AGTPBP1: variants seen among roughly 807,000 people sequenced by gnomAD.
AGTPBP1 encodes the protein ATP/GTP binding carboxypeptidase 1.
A neutral mutation model predicts 143.9 loss-of-function variants in AGTPBP1; 70 were observed. The ratio of observed to expected loss-of-function variants is 0.49; its 90% CI spans 0.40 to 0.59. The LOEUF is 0.59. Ranked by LOEUF, AGTPBP1 falls within the 20% of genes least tolerant of loss-of-function variation. AGTPBP1 has a pLI of 0.00. For synonymous variants in AGTPBP1, 463 were observed against 500.2 expected, an observed-to-expected ratio of 0.93 and a Z score of 0.99; for missense variants, 1,229 against 1,464.5, an observed-to-expected ratio of 0.84 and a Z score of 2.62.
chr9:85,657,532 C>A lies in AGTPBP1; in HGVS notation c.812G>T (p.Gly271Val), dbSNP rs1833599643. 1.2e-6 allele frequency: 2 copies of A among 1,613,926 alleles called. No homozygotes were observed. The highest frequency in any genetic ancestry group is 1.7e-6 in the Non-Finnish European group (2 of 1,179,914). ...AACACTTTTTAAACTCTGTAAAATTCCTTTCCGAATGAGCATGTTTCTATG... is the reference window on the plus strand; with the variant it reads ...AACACTTTTTAAACTCTGTAAAATTACTTTCCGAATGAGCATGTTTCTATG... ...NRHRNMLIRK[G>V]ILQSLKSVTN... Residue 271 changes from glycine to valine, a missense_variant, in exon 10 of 26, where the codon GGA becomes GTA. Physicochemically the swap from Gly to Val is moderately radical, Grantham distance 109. Coordinates refer to ENST00000357081, the MANE Select transcript of AGTPBP1 (RefSeq NM_001330701.2).
At chr9:85,804,741 ACC>A in the AGTPBP1 span, among the ~76,000 whole-genome samples, 6 of 152,240 alleles carry the variant, frequency 3.9e-5, no homozygotes, top group African/African-American at 1.4e-4. Context: ...CTGATGGAGA[ACC>A]AAGGGAGATA....
At position 85,586,891 on chromosome 9, in the gene AGTPBP1, A is replaced by G. The variant is rs146610043; in HGVS notation, c.2973T>C (p.Pro991=). The G allele has an allele frequency of 6.2e-7, 1 of 1,613,944 alleles. No individual in the cohort carries two copies. The highest frequency in any genetic ancestry group is 1.7e-5 in the Admixed American group (1 of 60,012). The change falls in exon 22 of 26, where the codon CCT becomes CCC. Residue 991 remains proline (P), a synonymous_variant. Coordinates refer to ENST00000357081, the MANE Select transcript of AGTPBP1 (RefSeq NM_001330701.2). ...QWQSPSPDLH[P]TIYHAKGLLQ... is the part of the protein sequence containing the mutation. Reference sequence around the variant, plus strand: ...ACAGCCCCTTAGCATGGTAAATTGTAGGATGTAAATCCGGACTTGGACTTT... The same window carrying G: ...ACAGCCCCTTAGCATGGTAAATTGTGGGATGTAAATCCGGACTTGGACTTT...
At chr9:85,701,958 C>A (rs552417444) in intron 2 of AGTPBP1, among the ~76,000 whole-genome samples, 1 of 152,200 alleles carries the variant, frequency 6.6e-6, no homozygotes, top group Non-Finnish European at 1.5e-5. Context: ...TGAAGGTGAA[C>A]AGTCTTTGTT....
At chr9:85,687,482 T>C (rs1055980380) in intron 3 of AGTPBP1, among the ~76,000 whole-genome samples, 1 of 152,006 alleles carries the variant, frequency 6.6e-6, no homozygotes, top group Non-Finnish European at 1.5e-5. Flanking sequence ...AAAACAAGTC[T>C]CAAGCAATTC....
In AGTPBP1 at chr9:85,619,096, T is replaced by C; in HGVS notation, c.2222A>G (p.Asn741Ser). 6.2e-7 allele frequency: 1 copy of C among 1,613,674 alleles called. No homozygotes were observed. Among genetic ancestry groups the C allele is most frequent in the Non-Finnish European group, 8.5e-7 (1 of 1,179,760 alleles). ...EYDLILNSDI[N>S]SNHYHQWFYF... ...AAACCACTGATGATAATGATTGCTG[T>C]TTATGTCTGAGTTCAGAATAAGATC... Residue 741 changes from asparagine to serine, a missense_variant, in exon 17 of 26, where the codon AAC becomes AGC. Coordinates refer to ENST00000357081, the MANE Select transcript of AGTPBP1 (RefSeq NM_001330701.2).
chr9:85,573,911 C>G (rs1260573777), intron 25 of AGTPBP1, among the ~76,000 whole-genome samples: 7 of 151,842 alleles, frequency 4.6e-5, no homozygotes, highest in Non-Finnish European at 1.0e-4. Flanking sequence ...CGCCCGGCAG[C>G]TGCCCCGTCT....
chr9:85,595,831 G>C (rs1829266842), intron 18 of AGTPBP1, among the ~76,000 whole-genome samples: 1 of 152,094 alleles, frequency 6.6e-6, no homozygotes, highest in East Asian at 1.9e-4. Context: ...CCAGCCTCTA[G>C]CACTTATTTC....
chr9:85,772,802 A>C, the AGTPBP1 span, among the ~76,000 whole-genome samples: 1 of 152,182 alleles, frequency 6.6e-6, no homozygotes, highest in Non-Finnish European at 1.5e-5. Flanking sequence ...TATTTATAAC[A>C]TCCATTCTGG....
At position 85,589,535 on chromosome 9, in the gene AGTPBP1, G is replaced by A. The variant is rs1828823199; in HGVS notation, c.2715C>T (p.Cys905=). The A allele has an allele frequency of 3.1e-6, 5 of 1,601,796 alleles. No individual in the cohort carries two copies. Among genetic ancestry groups the A allele is most frequent in the Non-Finnish European group, 3.4e-6 (4 of 1,175,952 alleles). ...MPESNYYEHI[C]HFRNRPYVFL... Reference sequence around the variant, plus strand: ...TTGGGAAGACAAACTTACTGAAATGGCAGATATGTTCATAATAATTAGACT... The same window carrying A: ...TTGGGAAGACAAACTTACTGAAATGACAGATATGTTCATAATAATTAGACT... Residue 905 remains cysteine (C), a synonymous_variant, in exon 20 of 26, where the codon TGC becomes TGT. Coordinates refer to ENST00000357081, the MANE Select transcript of AGTPBP1 (RefSeq NM_001330701.2).
At chr9:85,802,404 T>C in the AGTPBP1 span, among the ~76,000 whole-genome samples, 7 of 152,122 alleles carry the variant, frequency 4.6e-5, no homozygotes, top group African/African-American at 1.7e-4. Flanking sequence ...GCCTACTCAG[T>C]GCCTGCACAT....
chr9:85,682,181 A>T, intron 3 of AGTPBP1, among the ~76,000 whole-genome samples: 1 of 145,428 alleles, frequency 6.9e-6, no homozygotes, highest in Non-Finnish European at 1.5e-5. Context: ...TTAAAAAAAA[A>T]AAAAAAAAAA....
chr9:85,562,402 A>G (rs544145148), intron 25 of AGTPBP1, among the ~76,000 whole-genome samples: 1 of 152,326 alleles, frequency 6.6e-6, no homozygotes, highest in South Asian at 2.1e-4. Context: ...ACAAAAGGCT[A>G]AAAACAAATA....
At chr9:85,645,693 TA>T (rs138604109) in intron 12 of AGTPBP1, among the ~76,000 whole-genome samples, 4 of 152,016 alleles carry the variant, frequency 2.6e-5, no homozygotes, top group Non-Finnish European at 5.9e-5. Flanking sequence ...GCTAAACAGC[TA>T]AAAAAAGAGA....
chr9:85,564,809 T>C (rs1826975510), intron 25 of AGTPBP1, among the ~76,000 whole-genome samples: 1 of 152,226 alleles, frequency 6.6e-6, no homozygotes, highest in South Asian at 2.1e-4. Context: ...TGCATGACTA[T>C]ATTCAGATGA....
chr9:85,794,765 C>T, the AGTPBP1 span, among the ~76,000 whole-genome samples: 1 of 152,162 alleles, frequency 6.6e-6, no homozygotes, highest in Non-Finnish European at 1.5e-5. Flanking sequence ...ATTCAGTCTT[C>T]CAATCCATGA....
chr9:85,798,646 C>A, the AGTPBP1 span, among the ~76,000 whole-genome samples: 1 of 152,044 alleles, frequency 6.6e-6, no homozygotes, highest in African/African-American at 2.4e-5. Context: ...GGGATTACAC[C>A]ACACCTGGCC....
chr9:85,786,187 A>C, the AGTPBP1 span: 1 of 1,601,990 alleles, frequency 6.2e-7, no homozygotes, highest in South Asian at 1.1e-5. Flanking sequence ...TGAAAGTATG[A>C]AATTAAGTGG....
At chr9:85,590,335 T>C (rs1208527863) in intron 19 of AGTPBP1, among the ~76,000 whole-genome samples, 1 of 152,160 alleles carries the variant, frequency 6.6e-6, no homozygotes, top group East Asian at 1.9e-4. Context: ...TTTTATCACT[T>C]AAAAATTTAT....
the AGTPBP1 span, among the ~76,000 whole-genome samples, chr9:85,766,478 A>G: frequency 3.3e-5 from 5 of 152,348 alleles, 2 homozygotes; most frequent in South Asian, 8.3e-4. Context: ...GTAGAGTTCC[A>G]TTAATATCAA....
Sources: gnomAD v4.1 joint callset for allele counts (sites outside exome capture counted in the v4.1 genomes callset) on GRCh38, gnomAD v4.1.1 for gene constraint, MANE v1.5 for transcripts, NCBI Gene and HGNC (gene_info 2026-07-23, HGNC 2026-07-21) for gene names.